SULF2: variants seen among roughly 807,000 people sequenced by gnomAD.
The protein encoded by SULF2 is extracellular sulfatase Sulf-2.
SULF2 carries 52 observed loss-of-function variants against 107.7 expected under a neutral mutation model. That is an observed-to-expected ratio of 0.48 (90% CI 0.39 to 0.61). The LOEUF (loss-of-function observed/expected upper bound fraction) is 0.61. Ranked by LOEUF, SULF2 falls within the 20% of genes least tolerant of loss-of-function variation. SULF2 has a pLI of 0.00. For missense variants in SULF2, 993 were observed against 1,177.3 expected, an observed-to-expected ratio of 0.84 and a Z score of 2.29; for synonymous variants, 460 against 464.3, an observed-to-expected ratio of 0.99 and a Z score of 0.12.
rs1431023434 is a variant in SULF2, at chr20:47,753,057, C to T, written c.175+4132G>A. On this transcript the variant is annotated intron_variant, in intron 2 of 20. Coordinates refer to ENST00000688720, the MANE Select transcript of SULF2 (RefSeq NM_001387048.1). ...CAGAGGTTGCAGTGAGCCGAGATTG[C>T]GCCACTGTACTCCAGCCTGGGTGAC... 8.6e-5 allele frequency among the ~76,000 whole-genome samples: 12 copies of T among 139,184 alleles called. 1 individual carries two copies. The Middle Eastern group carries it at 0.012, about 136-fold the overall frequency. The allele number at this position is 139,184 out of a possible 152,430, so 91.3% of individuals were successfully genotyped here.
At chr20:47,714,980 C>T (rs2089065541) in intron 3 of SULF2, among the ~76,000 whole-genome samples, 1 of 152,090 alleles carries the variant, frequency 6.6e-6, no homozygotes, top group Non-Finnish European at 1.5e-5. Flanking sequence ...TGCAGTGGTG[C>T]GGTCGTGGCT....
chr20:47,724,675 T>C (rs764304700), intron 3 of SULF2, among the ~76,000 whole-genome samples: 2 of 152,176 alleles, frequency 1.3e-5, no homozygotes, highest in Non-Finnish European at 2.9e-5. Context: ...TAAATATCTG[T>C]CTTGTGCCTT....
rs114804161 is a variant in SULF2, at chr20:47,661,086, C to T, written c.2494+687G>A. Reference sequence around the variant, plus strand: ...AACCCTCCATTGGCTTCCTGATACACCACAAATGAAATCTAAACTCTACCG... The same window carrying T: ...AACCCTCCATTGGCTTCCTGATACATCACAAATGAAATCTAAACTCTACCG... On this transcript the variant is annotated intron_variant, in intron 18 of 20. Transcript: ENST00000688720. Among the ~76,000 whole-genome samples, 1,045 of 152,278 alleles carry T rather than the reference C, an allele frequency of 6.9e-3. 15 individuals are homozygous for T. The highest frequency in any genetic ancestry group is 0.024 in the African/African-American group (1,002 of 41,546).
intron 2 of SULF2, among the ~76,000 whole-genome samples, chr20:47,742,742 G>A (rs767707925): frequency 5.3e-5 from 8 of 151,988 alleles, no homozygotes; most frequent in Non-Finnish European, 1.0e-4. Context: ...ATATATTTTT[G>A]GATGCACCAT....
At chr20:47,752,180 G>C (rs2090171384) in intron 2 of SULF2, among the ~76,000 whole-genome samples, 1 of 152,128 alleles carries the variant, frequency 6.6e-6, no homozygotes, top group South Asian at 2.1e-4. Context: ...ATTGGCCCAG[G>C]GTGCTCTAAC....
intron 16 of SULF2, 61 bp from the exon 17 acceptor site, chr20:47,663,273 G>C (rs911041566): frequency 6.2e-7 from 1 of 1,606,516 alleles, no homozygotes; most frequent in Non-Finnish European, 8.5e-7. Flanking sequence ...TCTGCCAACA[G>C]TGATTCCTGT....
At chr20:47,724,616 G>C (rs542887191) in intron 3 of SULF2, among the ~76,000 whole-genome samples, 5 of 152,210 alleles carry the variant, frequency 3.3e-5, no homozygotes, top group African/African-American at 1.2e-4. Flanking sequence ...TCCATCTCTA[G>C]TGACAGGTTT....
At chr20:47,746,511 A>G (rs1445164498) in intron 2 of SULF2, among the ~76,000 whole-genome samples, 2 of 152,188 alleles carry the variant, frequency 1.3e-5, no homozygotes, top group Non-Finnish European at 2.9e-5. Context: ...GCTCCCTGCC[A>G]TGACCAAGGC....
At chr20:47,664,280 G>A in intron 14 of SULF2, 91 bp from the exon 15 acceptor site, 2 of 1,299,314 alleles carry the variant, frequency 1.5e-6, no homozygotes, top group South Asian at 1.3e-5. Flanking sequence ...ACTCCCATGT[G>A]TTGCTGCTGC....
chr20:47,740,695 G>A (rs1213198033), intron 2 of SULF2, among the ~76,000 whole-genome samples: 2 of 152,074 alleles, frequency 1.3e-5, no homozygotes, highest in African/African-American at 2.4e-5. Context: ...GTAAATAATC[G>A]TACAAGTGGC....
chr20:47,698,029 T>C (rs1478107866), intron 4 of SULF2, among the ~76,000 whole-genome samples: 1 of 152,228 alleles, frequency 6.6e-6, no homozygotes, highest in African/African-American at 2.4e-5. Flanking sequence ...CTTGGGAGGC[T>C]GGAGGCCTAC....
intron 3 of SULF2, among the ~76,000 whole-genome samples, chr20:47,727,943 T>G (rs57610354): frequency 1.3e-5 from 2 of 152,232 alleles, no homozygotes; most frequent in Admixed American, 6.5e-5. Flanking sequence ...CTTGAAGATG[T>G]GCACGGAGGC....
intron 5 of SULF2, among the ~76,000 whole-genome samples, chr20:47,687,112 G>C (rs971350992): frequency 6.6e-6 from 1 of 152,234 alleles, no homozygotes; most frequent in African/African-American, 2.4e-5. Context: ...AATCATCCCT[G>C]AATCCATGAG....
intron 3 of SULF2, among the ~76,000 whole-genome samples, chr20:47,717,302 G>A (rs918840725): frequency 1.3e-5 from 2 of 152,148 alleles, no homozygotes; most frequent in Admixed American, 1.3e-4. Context: ...GGCACAGAGA[G>A]GCAAAGTCCC....
At chr20:47,681,960 C>T (rs1379467235) in intron 7 of SULF2, among the ~76,000 whole-genome samples, 2 of 152,120 alleles carry the variant, frequency 1.3e-5, no homozygotes, top group East Asian at 1.9e-4. Flanking sequence ...GCTGGGATTA[C>T]AGGCATGAGC....
chr20:47,701,906 C>T lies in SULF2; in HGVS notation c.567+613G>A, dbSNP rs116591218. 5.5e-3 allele frequency among the ~76,000 whole-genome samples: 831 copies of T among 152,212 alleles called. 8 individuals are homozygous for T. The highest frequency in any genetic ancestry group is 0.019 in the African/African-American group (793 of 41,530). ...GGTGACATTCTCTTCTTGGCCTACC[C>T]GGGTGCTCATTACACATGTCCGTTC... is the stretch of plus-strand genomic sequence containing the variant. On this transcript the variant is annotated intron_variant, in intron 4 of 20. Transcript: ENST00000688720.
intron 20 of SULF2, among the ~76,000 whole-genome samples, 168 bp downstream of exon 20, chr20:47,659,231 A>G (rs1036859208): frequency 6.6e-6 from 1 of 152,250 alleles, no homozygotes. Context: ...CATGAAATGG[A>G]TTCAAGTGTT....
At chr20:47,757,764 C>G (rs964195583) in intron 1 of SULF2, among the ~76,000 whole-genome samples, 3 of 152,136 alleles carry the variant, frequency 2.0e-5, no homozygotes, top group African/African-American at 7.2e-5. Flanking sequence ...ACAGCCGTCT[C>G]TGAATAATCC....
At chr20:47,676,389 T>C in intron 10 of SULF2, 105 bp downstream of exon 10, 2 of 1,315,630 alleles carry the variant, frequency 1.5e-6, no homozygotes, top group Non-Finnish European at 2.1e-6. Flanking sequence ...GACTACCCGT[T>C]GGGAGGCCCT....
Sources: allele counts gnomAD v4.1 joint callset (sites outside exome capture counted in the v4.1 genomes callset), GRCh38; gene constraint gnomAD v4.1.1; transcripts MANE v1.5; gene names NCBI Gene and HGNC (gene_info 2026-07-23, HGNC 2026-07-21).